The following TTC28 variants were observed in gnomAD, a reference collection of about 807,000 sequenced individuals.
TTC28 encodes tetratricopeptide repeat domain 28.
A neutral mutation model predicts 198.0 loss-of-function variants in TTC28; 61 were observed. The ratio of observed to expected loss-of-function variants is 0.31; its 90% CI spans 0.25 to 0.38. The LOEUF (loss-of-function observed/expected upper bound fraction) is 0.38, where lower values mean the gene tolerates loss of function less well. Ranked by LOEUF, TTC28 falls within the 10% of genes least tolerant of loss-of-function variation. The pLI is 1.00. For synonymous variants in TTC28, 1,171 were observed against 1,297.8 expected, an observed-to-expected ratio of 0.90 and a Z score of 2.10; for missense variants, 2,678 against 3,164.0, an observed-to-expected ratio of 0.85 and a Z score of 3.69.
chr22:28,255,677 G>A (rs190338434), intron 5 of TTC28, among the ~76,000 whole-genome samples: 428 of 142,300 alleles, frequency 3.0e-3, no homozygotes, highest in East Asian at 7.9e-3. Flanking sequence ...GCAAAACTCC[G>A]TCTCAAAAAA....
chr22:28,511,491 A>G (rs761031097), intron 2 of TTC28, among the ~76,000 whole-genome samples: 14 of 152,154 alleles, frequency 9.2e-5, no homozygotes, highest in Non-Finnish European at 1.6e-4. Flanking sequence ...TCCTTACACC[A>G]TATACAAAAA....
At chr22:28,444,481 G>C (rs1423938563) in intron 2 of TTC28, among the ~76,000 whole-genome samples, 1 of 152,150 alleles carries the variant, frequency 6.6e-6, no homozygotes, top group Non-Finnish European at 1.5e-5. Flanking sequence ...AAATTCAATA[G>C]AGGGCATTAT....
intron 5 of TTC28, among the ~76,000 whole-genome samples, chr22:28,199,259 A>C (rs955112351): frequency 4.6e-5 from 7 of 151,668 alleles, no homozygotes; most frequent in South Asian, 4.2e-4. Context: ...CTGGAATACT[A>C]TGCACAGAAG....
At chr22:28,248,260 C>G (rs1247542321) in intron 5 of TTC28, among the ~76,000 whole-genome samples, 2 of 152,142 alleles carry the variant, frequency 1.3e-5, no homozygotes, top group East Asian at 3.9e-4. Flanking sequence ...CTCCAGGAAA[C>G]CTTAGAGCCC....
Position 28,598,509 on chromosome 22 carries a change from CAA to C in TTC28, c.381+31041_381+31042del, listed in dbSNP as rs36035176. On this transcript the variant is annotated intron_variant, in intron 2 of 22. Coordinates refer to ENST00000397906, the MANE Select transcript of TTC28 (RefSeq NM_001145418.2). ...GGGCAACAGAGCGAGACTACGTCTC[CAA>C]AAAAAAAAAAAAAAAAAAAAAAAGT... Among the ~76,000 whole-genome samples, 17 of 52,680 alleles carry C rather than the reference CAA, an allele frequency of 3.2e-4. No individual in the cohort carries two copies. The South Asian group carries it at 3.8e-3, about 12-fold the overall frequency. 34.6% of individuals were successfully genotyped at this position (52,680 alleles called of 152,430 possible).
chr22:28,525,352 C>T (rs1403255151), intron 2 of TTC28, among the ~76,000 whole-genome samples: 1 of 152,118 alleles, frequency 6.6e-6, no homozygotes, highest in African/African-American at 2.4e-5. Context: ...CAGGTTTTCA[C>T]CATGTCGCCC....
intron 2 of TTC28, among the ~76,000 whole-genome samples, chr22:28,355,785 T>A (rs2046068406): frequency 6.6e-6 from 1 of 152,156 alleles, no homozygotes; most frequent in Admixed American, 6.5e-5. Flanking sequence ...CCAACAGATC[T>A]CACACCCAAC....
chr22:27,998,573 T>C lies in TTC28; in HGVS notation c.5086A>G (p.Ser1696Gly). ...TTGGAGGGGTGCGAGAAGGCCTTGCTGCTCTGCACCACCTTCATGGCCTCC... is the reference window on the plus strand; with the variant it reads ...TTGGAGGGGTGCGAGAAGGCCTTGCCGCTCTGCACCACCTTCATGGCCTCC... ...LGEAMKVVQS[S>G]KAFSHPSNWA... is the part of the protein sequence containing the mutation. Residue 1696 changes from serine to glycine, a missense_variant, in exon 16 of 23, where the codon AGC becomes GGC. Physicochemically the swap from Ser to Gly is moderately conservative, Grantham distance 56. Around this residue, in one of 8 missense-constraint regions of TTC28, gnomAD observed 314 missense variants for 442.7 expected, o/e 0.71. Coordinates refer to ENST00000397906, the MANE Select transcript of TTC28 (RefSeq NM_001145418.2). 6.4e-7 allele frequency: 1 copy of C among 1,550,698 alleles called. No individual in the cohort carries two copies. The highest frequency in any genetic ancestry group is 8.7e-7 in the Non-Finnish European group (1 of 1,146,960).
In TTC28 at chr22:28,504,278, TATAA is replaced by T. The variant is rs1268665833; in HGVS notation, c.381+125270_381+125273del. ...TTTAAAAACAAGTAAAAGTGAGATA[TATAA>T]CAGGTAATTATTAATCACAAGTAAT... On this transcript the variant is annotated intron_variant, in intron 2 of 22. Transcript: ENST00000397906. 2.0e-5 allele frequency among the ~76,000 whole-genome samples: 3 copies of T among 152,218 alleles called. No individual in the cohort carries two copies. In the East Asian group the frequency reaches 5.8e-4, roughly 29 times the overall value.
intron 1 of TTC28, among the ~76,000 whole-genome samples, chr22:28,671,521 G>C (rs2051883783): frequency 6.6e-6 from 1 of 150,726 alleles, no homozygotes; most frequent in African/African-American, 2.4e-5. Flanking sequence ...TGTAGTCCCA[G>C]CTACTCAGGA....
intron 5 of TTC28, among the ~76,000 whole-genome samples, chr22:28,170,835 G>A (rs1922600668): frequency 6.6e-6 from 1 of 152,016 alleles, no homozygotes; most frequent in East Asian, 1.9e-4. Context: ...GAGTGGGGTG[G>A]TCTCCATTAA....
chr22:28,422,414 C>T (rs984500789), intron 2 of TTC28, among the ~76,000 whole-genome samples: 2 of 151,926 alleles, frequency 1.3e-5, no homozygotes, highest in African/African-American at 2.4e-5. Context: ...ACAGTCTTCA[C>T]GTCTTGCTAT....
intron 5 of TTC28, among the ~76,000 whole-genome samples, chr22:28,179,817 A>G (rs145065249): frequency 6.6e-6 from 1 of 152,350 alleles, no homozygotes; most frequent in East Asian, 1.9e-4. Flanking sequence ...CCTGACCAAT[A>G]CAATACTGAG....
At chr22:28,121,425 C>G (rs187440473) in intron 6 of TTC28, among the ~76,000 whole-genome samples, 1 of 152,266 alleles carries the variant, frequency 6.6e-6, no homozygotes, top group Non-Finnish European at 1.5e-5. Flanking sequence ...ATAAAGAAAC[C>G]ACCCAGTTTT....
At chr22:28,448,574 T>C (rs1457455250) in intron 2 of TTC28, among the ~76,000 whole-genome samples, 2 of 152,136 alleles carry the variant, frequency 1.3e-5, no homozygotes, top group East Asian at 3.9e-4. Context: ...AAGGAGGTGT[T>C]AGAAAAATAA....
In TTC28 at chr22:28,163,409, T is replaced by G; in HGVS notation, c.1124A>C (p.Gln375Pro). The G allele has an allele frequency of 6.4e-7, 1 of 1,551,972 alleles. No individual in the cohort carries two copies. The highest frequency in any genetic ancestry group is 8.7e-7 in the Non-Finnish European group (1 of 1,147,042). The change falls in exon 6 of 23, where the codon CAG becomes CCG. Residue 375 changes from glutamine (Q) to proline (P), a missense_variant. Coordinates refer to ENST00000397906, the MANE Select transcript of TTC28 (RefSeq NM_001145418.2). Reference sequence around the variant, plus strand: ...TATCTTCAGATGCTGCTCATGGCACTGCACAGCATTCTCAAAGTCACCCAT... The same window carrying G: ...TATCTTCAGATGCTGCTCATGGCACGGCACAGCATTCTCAAAGTCACCCAT... Reference protein sequence around the residue: ...IAMGDFENAVQCHEQHLKIAK... With the variant: ...IAMGDFENAVPCHEQHLKIAK...
At chr22:28,137,652 G>C (rs1305016355) in intron 6 of TTC28, among the ~76,000 whole-genome samples, 1 of 152,002 alleles carries the variant, frequency 6.6e-6, no homozygotes, top group Non-Finnish European at 1.5e-5. Flanking sequence ...AGCAGAAGCT[G>C]TGTCCTTGTT....
chr22:28,575,804 CTGTT>C (rs1601584703), intron 2 of TTC28, among the ~76,000 whole-genome samples: 2 of 151,950 alleles, frequency 1.3e-5, no homozygotes, highest in African/African-American at 4.8e-5. Flanking sequence ...CTTTTTCAGA[CTGTT>C]TGCTGTTGGC....
chr22:28,106,950 T>C, intron 7 of TTC28, 112 bp downstream of exon 7: 2 of 1,327,180 alleles, frequency 1.5e-6, no homozygotes, highest in Non-Finnish European at 2.0e-6. Context: ...ATGAGATATG[T>C]ACGAAAATGT....
Sources: allele counts gnomAD v4.1 joint callset (sites outside exome capture counted in the v4.1 genomes callset), GRCh38; gene constraint gnomAD v4.1.1; regional missense constraint gnomAD v4.1.1; transcripts MANE v1.5; gene names NCBI Gene and HGNC (gene_info 2026-07-23, HGNC 2026-07-21).